The following CNGB3 variants were observed in gnomAD, a reference collection of about 807,000 sequenced individuals.
CNGB3 encodes cyclic nucleotide gated channel subunit beta 3.
Under a neutral mutation model 92.8 loss-of-function variants are expected in CNGB3, and 86 were observed. The ratio of observed to expected loss-of-function variants is 0.93; its 90% CI spans 0.78 to 1.11. The LOEUF is 1.11. CNGB3 is among the 50% of genes least tolerant of loss of function. CNGB3 has a pLI of 0.00. For missense variants in CNGB3, 1,026 were observed against 956.8 expected (o/e 1.07, Z -0.95); for synonymous variants, 333 against 332.7 (o/e 1.00, Z -0.01).
intron 3 of CNGB3, among the ~76,000 whole-genome samples, chr8:86,693,614 C>A (rs947430445): frequency 2.7e-5 from 4 of 150,422 alleles, no homozygotes; most frequent in African/African-American, 9.8e-5. Context: ...GTTTGTGTCC[C>A]TGGGTACTTA....
chr8:86,613,366 A>G (rs1318039552), intron 13 of CNGB3, among the ~76,000 whole-genome samples: 2 of 152,194 alleles, frequency 1.3e-5, no homozygotes, highest in Admixed American at 6.5e-5. Context: ...ATTTCTTTAA[A>G]TGCTGTCATC....
intron 6 of CNGB3, among the ~76,000 whole-genome samples, chr8:86,665,189 A>T (rs2131613425): frequency 6.6e-6 from 1 of 152,358 alleles, no homozygotes; most frequent in Non-Finnish European, 1.5e-5. Flanking sequence ...TAATCATCAG[A>T]GGAATGCAAA....
At chr8:86,650,635 G>A (rs1823383666) in intron 7 of CNGB3, among the ~76,000 whole-genome samples, 1 of 151,620 alleles carries the variant, frequency 6.6e-6, no homozygotes, top group Admixed American at 6.6e-5. Flanking sequence ...ATTCCTGAAA[G>A]TGGCCATATT....
chr8:86,671,157 A>G, intron 3 of CNGB3, 59 bp from the exon 4 acceptor site: 1 of 1,576,522 alleles, frequency 6.3e-7, no homozygotes, highest in Non-Finnish European at 8.7e-7. Flanking sequence ...ATATAAGGGA[A>G]AGATTAAATC....
At chr8:86,680,345 C>T (rs1014089430) in intron 3 of CNGB3, among the ~76,000 whole-genome samples, 2 of 152,130 alleles carry the variant, frequency 1.3e-5, no homozygotes, top group Admixed American at 1.3e-4. Context: ...TTGTAAAGTG[C>T]TCAGAACAGT....
rs200115920 is a variant in CNGB3 at position 86,614,029 on chromosome 8, TAC to T, written c.1579-2360_1579-2359del. ...ACAGTAATCAGAATATATGTATATA[TAC>T]ACACACACAAATATGTGTGTGTATA... is the stretch of plus-strand genomic sequence containing the variant. On this transcript the variant is annotated intron_variant, in intron 13 of 17. Transcript: ENST00000320005. 2.4e-3 allele frequency among the ~76,000 whole-genome samples: 369 copies of T among 150,772 alleles called. 1 individual carries two copies. The highest frequency in any genetic ancestry group is 4.2e-3 in the Admixed American group (64 of 15,108).
intron 6 of CNGB3, chr8:86,658,480 CT>C: frequency 4.8e-6 from 2 of 413,070 alleles, no homozygotes; most frequent in South Asian, 2.2e-5. Context: ...TTGGCCACGA[CT>C]TTGCCCTGAG....
intron 2 of CNGB3, 35 bp downstream of exon 2, chr8:86,739,620 G>GTTTTTTTTTTTT: frequency 6.7e-7 from 1 of 1,488,502 alleles, no homozygotes; most frequent in African/African-American, 1.5e-5. Flanking sequence ...TCACTTTTTA[G>GTTTTTTTTTTTT]TTTTTTTTTT....
chr8:86,643,011 A>G (rs771837958), intron 10 of CNGB3, among the ~76,000 whole-genome samples: 1 of 151,370 alleles, frequency 6.6e-6, no homozygotes, highest in Non-Finnish European at 1.5e-5. Context: ...ATTAAAAGTT[A>G]CCTTACTGCT....
chr8:86,626,674 G>C (rs887291941), intron 12 of CNGB3, among the ~76,000 whole-genome samples: 1 of 152,096 alleles, frequency 6.6e-6, no homozygotes, highest in African/African-American at 2.4e-5. Flanking sequence ...AGCTGGGATG[G>C]AATCTAAAGA....
At chr8:86,660,782 G>A in intron 6 of CNGB3, 1 of 515,786 alleles carries the variant, frequency 1.9e-6, no homozygotes, top group Non-Finnish European at 4.0e-6. Flanking sequence ...AGGATAAAAT[G>A]GAAAATTGTC....
intron 3 of CNGB3, 129 bp downstream of exon 3, chr8:86,726,402 T>A (rs1825061110): frequency 7.8e-7 from 1 of 1,285,576 alleles, no homozygotes; most frequent in East Asian, 2.3e-5. Context: ...CACAGTTTTT[T>A]TGTGTTATGT....
chr8:86,603,922 T>C (rs529035462), intron 15 of CNGB3, among the ~76,000 whole-genome samples, 171 bp downstream of exon 15: 17 of 152,354 alleles, frequency 1.1e-4, no homozygotes, highest in African/African-American at 3.8e-4. Context: ...TTCTTTTCCT[T>C]AGGTCGCTTT....
intron 15 of CNGB3, among the ~76,000 whole-genome samples, chr8:86,590,099 T>G (rs939227321): frequency 2.0e-5 from 3 of 152,108 alleles, no homozygotes; most frequent in Admixed American, 6.5e-5. Context: ...TGTAATGGCC[T>G]TCTTTGTCTC....
intron 10 of CNGB3, among the ~76,000 whole-genome samples, chr8:86,635,821 GATAT>G (rs57486853): frequency 0.085 from 5,147 of 60,426 alleles, 208 homozygotes; most frequent in Non-Finnish European, 0.1. Flanking sequence ...TATAACACAT[GATAT>G]ATATATATAT....
chr8:86,668,972 C>T (rs1032526553), intron 4 of CNGB3, among the ~76,000 whole-genome samples: 2 of 152,236 alleles, frequency 1.3e-5, no homozygotes, highest in South Asian at 4.1e-4. Context: ...TCAGCTATGA[C>T]TGTGCCACTG....
At chr8:86,666,862 T>A in intron 6 of CNGB3, 63 bp downstream of exon 6, 2 of 1,330,170 alleles carry the variant, frequency 1.5e-6, no homozygotes, top group Non-Finnish European at 2.2e-6. Context: ...ATGCTGTTAC[T>A]TTTTGTAGCC....
chr8:86,694,119 CG>C (rs1372020847), intron 3 of CNGB3, among the ~76,000 whole-genome samples: 1 of 98,892 alleles, frequency 1.0e-5, no homozygotes, highest in Non-Finnish European at 2.2e-5. Context: ...GCTGGCCGGG[CG>C]GGGGGCTGAC....
At chr8:86,594,546 G>A (rs1173282524) in intron 15 of CNGB3, 3 of 331,710 alleles carry the variant, frequency 9.0e-6, no homozygotes, top group Non-Finnish European at 1.2e-5. Context: ...ACTTCAGGTC[G>A]GTAGACCAGG....
Sources: gnomAD v4.1 joint callset for allele counts (sites outside exome capture counted in the v4.1 genomes callset) on GRCh38, gnomAD v4.1.1 for gene constraint, MANE v1.5 for transcripts, NCBI Gene and HGNC (gene_info 2026-07-23, HGNC 2026-07-21) for gene names.